Variants in C14orf39 observed in about 807,000 individuals in gnomAD.
The protein encoded by C14orf39 is chromosome 14 open reading frame 39.
A neutral mutation model predicts 85.6 loss-of-function variants in C14orf39; 66 were observed. The ratio of observed to expected loss-of-function variants is 0.77; its 90% CI spans 0.63 to 0.95. The LOEUF is 0.95. Among genes scored for constraint, C14orf39 ranks in the 40% least tolerant of loss-of-function variants. The probability of loss-of-function intolerance (pLI) is 0.00; values close to 1 mark genes in which losing one functional copy is unlikely to be tolerated. For missense variants in C14orf39, 735 were observed against 663.9 expected (o/e 1.11, Z -1.18); for synonymous variants, 242 against 214.0 (o/e 1.13, Z -1.14).
chr14:60,461,262 C>T, intron 13 of C14orf39, 92 bp downstream of exon 13: 1 of 1,083,340 alleles, frequency 9.2e-7, no homozygotes, highest in South Asian at 1.4e-5. Flanking sequence ...ACCAGAGATG[C>T]AAATAATCGA....
In C14orf39 at chr14:60,467,024, T is replaced by A. The variant is rs777855126; in HGVS notation, c.788A>T (p.His263Leu). 4 of 1,375,796 alleles carry A rather than the reference T, an allele frequency of 2.9e-6. No homozygotes were observed. The Admixed American group carries it at 1.1e-4, about 38-fold the overall frequency. The allele number at this position is 1,375,796 out of a possible 1,614,324, so 85.2% of individuals were successfully genotyped here. The change falls in exon 10 of 18, where the codon CAT becomes CTT. Residue 263 changes from histidine to leucine, a missense_variant. Transcript: ENST00000321731. ...TTGAGTTTTATTCAATGTAAGTACA[T>A]GCTCATCTTTTCCAAAAATTCTAAA... ...LKERIFGKDE[H>L]VLTLNKTQSS...
At chr14:60,442,612 G>A (rs1006268670) in intron 16 of C14orf39, among the ~76,000 whole-genome samples, 5 of 152,006 alleles carry the variant, frequency 3.3e-5, no homozygotes, top group African/African-American at 1.2e-4. Context: ...GTGAGCATTT[G>A]TCCATGTCAT....
chr14:60,446,120 A>C (rs1327357482), intron 16 of C14orf39, among the ~76,000 whole-genome samples: 1 of 152,232 alleles, frequency 6.6e-6, no homozygotes, highest in Non-Finnish European at 1.5e-5. Context: ...GGAAAGATCT[A>C]AAATCGACAC....
intron 16 of C14orf39, among the ~76,000 whole-genome samples, chr14:60,444,668 G>A (rs1467546845): frequency 6.6e-6 from 1 of 152,150 alleles, no homozygotes; most frequent in Non-Finnish European, 1.5e-5. Context: ...TAGCAAGGCA[G>A]GCCAACATTC....
chr14:60,437,044 T>A lies in C14orf39; in HGVS notation c.1565A>T (p.Asn522Ile), dbSNP rs745983602. 1 of 1,595,220 alleles carries A rather than the reference T, an allele frequency of 6.3e-7. No individual in the cohort carries two copies. Among genetic ancestry groups the A allele is most frequent in the Non-Finnish European group, 8.5e-7 (1 of 1,172,114 alleles). Residue 522 changes from asparagine (N) to isoleucine (I), a missense_variant, in exon 18 of 18, where the codon AAC (asparagine) becomes ATC (isoleucine). Asn to Ile is a moderately radical substitution (Grantham distance 149). Transcript: ENST00000321731. The stretch of plus-strand genomic sequence containing the variant: ...TTCTCCTTCTGGCTTCTCAAGTAAG[T>A]TTCCTAAGGAAGATAAACATTACAA... The part of the protein sequence containing the change: ...NPLSSEQEIG[N>I]LLEKPEGEDG...
At chr14:60,442,783 T>C (rs992194179) in intron 16 of C14orf39, among the ~76,000 whole-genome samples, 1 of 152,216 alleles carries the variant, frequency 6.6e-6, no homozygotes, top group African/African-American at 2.4e-5. Flanking sequence ...TGCACAGATT[T>C]ATGTTTCTTT....
At chr14:60,481,396 T>C (rs1000554796) in intron 4 of C14orf39, among the ~76,000 whole-genome samples, 2 of 152,094 alleles carry the variant, frequency 1.3e-5, no homozygotes, top group Non-Finnish European at 2.9e-5. Context: ...GTGGCTCACA[T>C]GTATAATCCC....
At chr14:60,466,251 GATGAA>G (rs1262904661) in intron 10 of C14orf39, among the ~76,000 whole-genome samples, 196 bp from the exon 11 acceptor site, 1 of 151,844 alleles carries the variant, frequency 6.6e-6, no homozygotes, top group Non-Finnish European at 1.5e-5. Context: ...TAACTATGAA[GATGAA>G]ATGACAAAAG....
chr14:60,472,145 TC>T (rs752025392), intron 5 of C14orf39, among the ~76,000 whole-genome samples: 14 of 152,190 alleles, frequency 9.2e-5, no homozygotes, highest in Admixed American at 5.2e-4. Flanking sequence ...GTCTCTACTC[TC>T]CCAAGCTCAG....
At chr14:60,492,356 A>G (rs1413477829) in intron 2 of C14orf39, among the ~76,000 whole-genome samples, 1 of 152,214 alleles carries the variant, frequency 6.6e-6, no homozygotes, top group Non-Finnish European at 1.5e-5. Context: ...AAAGAAATAA[A>G]AATATCTTGA....
chr14:60,512,948 G>A (rs1893315433), intron 1 of C14orf39: 1 of 152,202 alleles, frequency 6.6e-6, no homozygotes, highest in Non-Finnish European at 1.5e-5. Context: ...TGGATCAGAA[G>A]CCTGCTAACT....
upstream of C14orf39, among the ~76,000 whole-genome samples, chr14:60,486,250 T>C (rs1595490636): frequency 6.6e-6 from 1 of 152,254 alleles, no homozygotes; most frequent in Non-Finnish European, 1.5e-5. Context: ...AAGTGGGTGC[T>C]GGAGTTAGAG....
At chr14:60,458,766 T>C in intron 13 of C14orf39, 27 bp from the exon 14 acceptor site, 1 of 1,539,780 alleles carries the variant, frequency 6.5e-7, no homozygotes, top group Non-Finnish European at 8.8e-7. Flanking sequence ...ACAAACTATT[T>C]TTCTTTTTGT....
At chr14:60,452,490 A>T (rs186756678) in intron 16 of C14orf39, among the ~76,000 whole-genome samples, 13 of 151,520 alleles carry the variant, frequency 8.6e-5, no homozygotes, top group African/African-American at 2.7e-4. Context: ...TGATTACCAG[A>T]GGCTGGGAAA....
rs747563121 is a variant in C14orf39 at position 60,509,410 on chromosome 14, G to C, written c.-144+5985C>G. On this transcript the variant is annotated intron_variant, in intron 1 of 5. Coordinates refer to the C14orf39 transcript ENST00000556799. ...CCGGCACTGCCTCGATGTTCCAGCTGCCCATCTTGAATTTCAGCCCCCAGC... is the reference window on the plus strand; with the variant it reads ...CCGGCACTGCCTCGATGTTCCAGCTCCCCATCTTGAATTTCAGCCCCCAGC... 5 of 1,599,482 alleles carry C rather than the reference G, an allele frequency of 3.1e-6. No homozygotes were observed. In the Admixed American group the frequency reaches 6.7e-5, roughly 21 times the overall value.
At chr14:60,467,783 T>C (rs1335300149) in intron 9 of C14orf39, among the ~76,000 whole-genome samples, 1 of 151,624 alleles carries the variant, frequency 6.6e-6, no homozygotes, top group Non-Finnish European at 1.5e-5. Context: ...CAGAAGAATG[T>C]GTTGAAAAAT....
chr14:60,501,178 G>GT (rs1893141114), intron 1 of C14orf39, among the ~76,000 whole-genome samples: 1 of 151,966 alleles, frequency 6.6e-6, no homozygotes, highest in Admixed American at 6.6e-5. Flanking sequence ...GTGATGCCAT[G>GT]TATCTGTAGT....
At chr14:60,467,687 C>A (rs1052226243) in intron 9 of C14orf39, among the ~76,000 whole-genome samples, 10 of 151,638 alleles carry the variant, frequency 6.6e-5, no homozygotes, top group African/African-American at 1.5e-4. Context: ...ATTAAAGACA[C>A]ACTTGCACTG....
chr14:60,474,605 C>T (rs1249483322), intron 5 of C14orf39, among the ~76,000 whole-genome samples: 2 of 152,126 alleles, frequency 1.3e-5, no homozygotes, highest in African/African-American at 2.4e-5. Flanking sequence ...TAGTTTTTAG[C>T]ATGAAGCGTT....
Sources: allele counts gnomAD v4.1 joint callset (sites outside exome capture counted in the v4.1 genomes callset), GRCh38; gene constraint gnomAD v4.1.1; transcripts MANE v1.5; gene names NCBI Gene and HGNC (gene_info 2026-07-23, HGNC 2026-07-21).